The following FAM120AOS variants were observed in gnomAD, a reference collection of about 807,000 sequenced individuals.
The protein encoded by FAM120AOS is uncharacterized protein FAM120AOS.
A neutral mutation model predicts 20.2 loss-of-function variants in FAM120AOS; 15 were observed. The observed-to-expected ratio is 0.74, with a 90% CI of 0.50 to 1.15. The LOEUF (loss-of-function observed/expected upper bound fraction) is 1.15. Ranked by LOEUF, FAM120AOS falls within the 50% of genes most tolerant of loss-of-function variation. FAM120AOS has a pLI of 0.00. For synonymous variants in FAM120AOS, 154 were observed against 154.0 expected (o/e 1.00, Z 0.00); for missense variants, 327 against 351.9 (o/e 0.93, Z 0.57).
intron 1 of FAM120AOS, chr9:93,451,596 G>C: frequency 4.1e-6 from 4 of 982,702 alleles, no homozygotes; most frequent in Non-Finnish European, 4.8e-6. Context: ...CCTGCTAGCC[G>C]GCGGGCCTGG....
intron 2 of FAM120AOS, 98 bp from the exon 3 acceptor site, chr9:93,447,795 C>G (rs955362208): frequency 2.0e-6 from 2 of 1,009,294 alleles, no homozygotes; most frequent in Non-Finnish European, 3.0e-6. Flanking sequence ...CTCTGTGGAG[C>G]TCTCCTACCC....
intron 1 of FAM120AOS, chr9:93,451,572 C>T (rs932903211): frequency 1.2e-5 from 12 of 984,954 alleles, no homozygotes; most frequent in Non-Finnish European, 1.4e-5. Context: ...GTCCCGCCGG[C>T]GCCGCCTCTT....
chr9:93,451,817 C>A, intron 1 of FAM120AOS: 1 of 963,462 alleles, frequency 1.0e-6, no homozygotes, highest in Non-Finnish European at 1.2e-6. Context: ...CCCTAGAGGC[C>A]GCCGCCCCCG....
chr9:93,451,356 A>T, intron 1 of FAM120AOS: 1 of 1,425,276 alleles, frequency 7.0e-7, no homozygotes. Context: ...CCTTCGCCCG[A>T]GAACCACCGG....
chr9:93,451,973 C>T (rs1220804609), intron 1 of FAM120AOS, 174 bp downstream of exon 1: 2 of 1,541,798 alleles, frequency 1.3e-6, no homozygotes, highest in Non-Finnish European at 8.7e-7. Context: ...CGCCGTGGTG[C>T]CGGTGGAGCT....
In FAM120AOS at chr9:93,447,450, T is replaced by C. The variant is rs1856889684; in HGVS notation, c.*161A>G. The C allele has an allele frequency of 1.5e-6, 1 of 656,070 alleles. No individual in the cohort carries two copies. The highest frequency in any genetic ancestry group is 2.6e-5 in the East Asian group (1 of 38,302). 40.6% of individuals were successfully genotyped at this position (656,070 alleles called of 1,614,324 possible). ...ATTCAGATGTGTTAATAAAAGTGGA[T>C]AAAGACCACTCTAGCTTTAAAACAC... On this transcript the variant is annotated 3_prime_UTR_variant, in exon 3 of 3. Transcript: ENST00000375412.
At chr9:93,449,067 T>G (rs894242912) in intron 2 of FAM120AOS, among the ~76,000 whole-genome samples, 7 of 152,164 alleles carry the variant, frequency 4.6e-5, no homozygotes, top group East Asian at 3.9e-4. Context: ...AAGTTTTTTT[T>G]TTTTTTTTTT....
Position 93,452,935 on chromosome 9 carries a change from C to CCAGTGCCCTGGCCTCTACTTCAGAACG in FAM120AOS, c.-253_-227dup. On this transcript the variant is annotated 5_prime_UTR_variant, in exon 1 of 3. Coordinates refer to ENST00000375412, the MANE Select transcript of FAM120AOS (RefSeq NM_198841.4). This position sits in a 1 kb window ranked among gnomAD's most constrained non-coding sequence, Gnocchi z 7.0. ...GGTGACAGCGAGACGTGTCTAAGGGCCAGTGCCCTGGCCTCTACTTCAGAA... is the reference window on the plus strand; with the variant it reads ...GGTGACAGCGAGACGTGTCTAAGGGCCAGTGCCCTGGCCTCTACTTCAGAACGCAGTGCCCTGGCCTCTACTTCAGAA... The CCAGTGCCCTGGCCTCTACTTCAGAACG allele has an allele frequency of 1.4e-6, 2 of 1,412,646 alleles. No homozygotes were observed. Among genetic ancestry groups the CCAGTGCCCTGGCCTCTACTTCAGAACG allele is most frequent in the Non-Finnish European group, 1.8e-6 (2 of 1,089,370 alleles). The allele number at this position is 1,412,646 out of a possible 1,614,324, so 87.5% of individuals were successfully genotyped here. A position where few individuals can be genotyped will look rare whatever the true frequency, so the allele number is the denominator to read the frequency against.
In FAM120AOS at chr9:93,452,347, G is replaced by T. The variant is rs1857280179; in HGVS notation, c.363C>A (p.Ala121=). The change falls in exon 1 of 3, where the codon GCC becomes GCA. Residue 121 remains alanine, a synonymous_variant. Coordinates refer to ENST00000375412, the MANE Select transcript of FAM120AOS (RefSeq NM_198841.4). The surrounding 1 kb of genome is among the most constrained non-coding windows in gnomAD (Gnocchi z 7.0). ...KRMSARRMQW[A]MQTGGRNQTF... is the part of the protein sequence containing the mutation. ...TCTGGTTCCTGCCGCCCGTCTGCAT[G>T]GCCCACTGCATCCGCCTGGCGCTCA... is the stretch of plus-strand genomic sequence containing the variant. The T allele has an allele frequency of 6.2e-7, 1 of 1,612,580 alleles. No homozygotes were observed. Among genetic ancestry groups the T allele is most frequent in the African/African-American group, 1.3e-5 (1 of 74,936 alleles).
intron 2 of FAM120AOS, among the ~76,000 whole-genome samples, chr9:93,448,865 C>T (rs1222059691): frequency 6.6e-6 from 1 of 151,986 alleles, no homozygotes; most frequent in Admixed American, 6.6e-5. Context: ...CCTTGTGATC[C>T]GCCCACCTCA....
In FAM120AOS at chr9:93,450,617, A is replaced by G; in HGVS notation, c.564-18T>C. 6.2e-7 allele frequency: 1 copy of G among 1,606,896 alleles called. No individual in the cohort carries two copies. On this transcript the variant is annotated intron_variant, in intron 1 of 2. Coordinates refer to ENST00000375412, the MANE Select transcript of FAM120AOS (RefSeq NM_198841.4). ...AGAGGTTTCTCCAAAAAAAGAACAA[A>G]TGGAGAGATGAAGGTAAGTAAAAGC...
At position 93,452,760 on chromosome 9, in the gene FAM120AOS, T is replaced by C; in HGVS notation, c.-51A>G. On this transcript the variant is annotated 5_prime_UTR_variant, in exon 1 of 3. Coordinates refer to ENST00000375412, the MANE Select transcript of FAM120AOS (RefSeq NM_198841.4). The surrounding 1 kb of genome is among the most constrained non-coding windows in gnomAD (Gnocchi z 7.0). ...CTCACCTTCAACTTTGACAAAATAC[T>C]CCCTTTTCTAATTTAGCCTGTTCTT... is the stretch of plus-strand genomic sequence containing the variant. 6.3e-7 allele frequency: 1 copy of C among 1,597,070 alleles called. No individual in the cohort carries two copies. The highest frequency in any genetic ancestry group is 8.5e-7 in the Non-Finnish European group (1 of 1,179,516).
At chr9:93,450,852 C>A in intron 1 of FAM120AOS, 1 of 909,138 alleles carries the variant, frequency 1.1e-6, no homozygotes, top group South Asian at 1.4e-5. Context: ...AATCCCTCTC[C>A]CTCAGAAGAG....
chr9:93,450,630 G>A (rs370424829), intron 1 of FAM120AOS, 31 bp from the exon 2 acceptor site: 2 of 1,608,804 alleles, frequency 1.2e-6, no homozygotes, highest in East Asian at 2.2e-5. Flanking sequence ...GAGAGATGAA[G>A]GTAAGTAAAA....
At chr9:93,451,316 G>A (rs1368022106) in intron 1 of FAM120AOS, 5 of 1,446,410 alleles carry the variant, frequency 3.5e-6, no homozygotes, top group Non-Finnish European at 4.5e-6. Context: ...GAGCAGGCGA[G>A]CTCTTCCCCA....
At chr9:93,451,984 G>C in intron 1 of FAM120AOS, 163 bp downstream of exon 1, 1 of 1,546,042 alleles carries the variant, frequency 6.5e-7, no homozygotes, top group Non-Finnish European at 8.7e-7. Flanking sequence ...CGGTGGAGCT[G>C]CAGAAGCTGG....
rs1347650659 is a variant in FAM120AOS at position 93,445,233 on chromosome 9, T to A, written c.*2378A>T. Among the ~76,000 whole-genome samples the A allele has an allele frequency of 6.6e-6, 1 of 152,102 alleles. No individual in the cohort carries two copies. The highest frequency in any genetic ancestry group is 1.9e-4 in the East Asian group (1 of 5,192). Reference sequence around the variant, plus strand: ...AGCATTCCTTTTCCCTTCCTAAAGGTACTCAGGTTTCTTTCTCAGAAATTG... The same window carrying A: ...AGCATTCCTTTTCCCTTCCTAAAGGAACTCAGGTTTCTTTCTCAGAAATTG... On this transcript the variant is annotated 3_prime_UTR_variant, in exon 3 of 3. Coordinates refer to ENST00000375412, the MANE Select transcript of FAM120AOS (RefSeq NM_198841.4).
chr9:93,452,282 G>A lies in FAM120AOS; in HGVS notation c.428C>T (p.Thr143Met). 2 of 1,612,690 alleles carry A rather than the reference G, an allele frequency of 1.2e-6. No homozygotes were observed. The highest frequency in any genetic ancestry group is 1.7e-6 in the Non-Finnish European group (2 of 1,179,864). ...CGAGCGCCAGACGGCACAGCAGATC[G>A]TCAGCCATGTCCAGAACAAGGGCAC... is the stretch of plus-strand genomic sequence containing the variant. ...GGVPLFWTWL[T>M]ICCAVWRSLP... The change falls in exon 1 of 3, where the codon ACG becomes ATG. Residue 143 changes from threonine to methionine, a missense_variant. Thr to Met is a moderately conservative substitution (Grantham distance 81). Coordinates refer to ENST00000375412, the MANE Select transcript of FAM120AOS (RefSeq NM_198841.4). The surrounding 1 kb of genome is among the most constrained non-coding windows in gnomAD (Gnocchi z 7.0).
At position 93,444,273 on chromosome 9, in the gene FAM120AOS, C is replaced by T. The variant is rs1856780211; in HGVS notation, c.*3338G>A. 6.6e-6 allele frequency among the ~76,000 whole-genome samples: 1 copy of T among 152,090 alleles called. No individual in the cohort carries two copies. The highest frequency in any genetic ancestry group is 6.5e-5 in the Admixed American group (1 of 15,274). ...CAGGCTGGTCTTGAACTCCTGACTT[C>T]AGGTGATCCACCCGTCTTGGCCTCC... On this transcript the variant is annotated 3_prime_UTR_variant, in exon 3 of 3. Transcript: ENST00000375412.
Sources: gnomAD v4.1 joint callset for allele counts (sites outside exome capture counted in the v4.1 genomes callset) on GRCh38, gnomAD v4.1.1 for gene constraint, Gnocchi (gnomAD v3.1) non-coding constraint, MANE v1.5 for transcripts, NCBI Gene and HGNC (gene_info 2026-07-23, HGNC 2026-07-21) for gene names.